Variants in LGR5 observed in about 807,000 individuals in gnomAD.
The protein encoded by LGR5 is leucine rich repeat containing G protein-coupled receptor 5.
In LGR5, 54 loss-of-function variants were observed where a neutral mutation model predicts 76.7. The observed-to-expected ratio is 0.70, with a 90% confidence interval of 0.57 to 0.88. The LOEUF is 0.88. Ranked by LOEUF, LGR5 falls within the 40% of genes least tolerant of loss-of-function variation. LGR5 has a pLI of 0.00. For missense variants in LGR5, 1,078 were observed against 1,073.3 expected (o/e 1.00, Z -0.06); for synonymous variants, 406 against 421.9 (o/e 0.96, Z 0.46).
At chr12:71,498,123 C>G (rs1210704903) in intron 1 of LGR5, among the ~76,000 whole-genome samples, 1 of 152,052 alleles carries the variant, frequency 6.6e-6, no homozygotes, top group Admixed American at 6.6e-5. Flanking sequence ...AGAAGGGCAC[C>G]TTTCAATGAA....
chr12:71,542,235 A>G (rs1876914545), intron 4 of LGR5, among the ~76,000 whole-genome samples: 1 of 152,236 alleles, frequency 6.6e-6, no homozygotes, highest in Non-Finnish European at 1.5e-5. Context: ...TGATTAGACA[A>G]AGACAAGAAA....
At chr12:71,474,146 CAA>C (rs5799042) in intron 1 of LGR5, among the ~76,000 whole-genome samples, 1,580 of 150,942 alleles carry the variant, frequency 0.01, 11 homozygotes, top group Middle Eastern at 0.034. Context: ...AAACTAAATA[CAA>C]AAAAAAAAAT....
At chr12:71,535,312 G>C (rs1442661195) in intron 4 of LGR5, 126 bp downstream of exon 4, 34 of 654,420 alleles carry the variant, frequency 5.2e-5, no homozygotes, top group Non-Finnish European at 8.2e-5. Flanking sequence ...GTGAATGAGA[G>C]CCCATTAGAG....
intron 2 of LGR5, among the ~76,000 whole-genome samples, chr12:71,505,392 C>G (rs1268414434): frequency 6.6e-6 from 1 of 152,230 alleles, no homozygotes; most frequent in African/African-American, 2.4e-5. Flanking sequence ...ATTTGATCCT[C>G]TTACGCTTTT....
rs1300740807 is a variant in LGR5, at chr12:71,566,897, C to T, written c.1055C>T (p.Pro352Leu). ...SLPQTVCNQL[P>L]NLQVLDLSYN... ...CCTCAAACCGTCTGCAATCAGTTACCTAATCTCCAAGTGCTGTGCGTATCA... is the reference window on the plus strand; with the variant it reads ...CCTCAAACCGTCTGCAATCAGTTACTTAATCTCCAAGTGCTGTGCGTATCA... Residue 352 changes from proline to leucine, a missense_variant, in exon 11 of 18, where the codon CCT becomes CTT. Physicochemically the swap from Pro to Leu is moderately conservative, Grantham distance 98. Coordinates refer to ENST00000266674, the MANE Select transcript of LGR5 (RefSeq NM_003667.4). 1.2e-6 allele frequency: 2 copies of T among 1,613,104 alleles called. No homozygotes were observed. Among genetic ancestry groups the T allele is most frequent in the Non-Finnish European group, 8.5e-7 (1 of 1,179,080 alleles).
chr12:71,475,258 A>G (rs1873277413), intron 1 of LGR5, among the ~76,000 whole-genome samples: 1 of 152,218 alleles, frequency 6.6e-6, no homozygotes, highest in African/African-American at 2.4e-5. Context: ...AGAAAGAAGG[A>G]AAATAAACTA....
intron 1 of LGR5, among the ~76,000 whole-genome samples, chr12:71,499,780 G>A (rs1874510000): frequency 6.6e-6 from 1 of 152,068 alleles, no homozygotes; most frequent in Non-Finnish European, 1.5e-5. Context: ...TCAAGAGAGG[G>A]AGCCCTCTTT....
intron 1 of LGR5, among the ~76,000 whole-genome samples, chr12:71,483,227 A>G (rs1226777402): frequency 6.6e-6 from 1 of 152,212 alleles, no homozygotes; most frequent in African/African-American, 2.4e-5. Context: ...GTCTACTCCC[A>G]GAAAAGTGGG....
intron 4 of LGR5, among the ~76,000 whole-genome samples, chr12:71,541,572 G>A (rs1270612189): frequency 6.6e-6 from 1 of 152,210 alleles, no homozygotes; most frequent in Non-Finnish European, 1.5e-5. Flanking sequence ...AAGGAAAGCA[G>A]CAGAGAATGT....
chr12:71,567,142 A>C (rs1437921700), intron 11 of LGR5: 8 of 513,866 alleles, frequency 1.6e-5, no homozygotes, highest in Middle Eastern at 5.2e-4. Context: ...CTCCCACTAG[A>C]CTTTCAGTTG....
intron 1 of LGR5, among the ~76,000 whole-genome samples, chr12:71,498,198 T>C (rs1874422527): frequency 6.6e-6 from 1 of 152,124 alleles, no homozygotes; most frequent in Non-Finnish European, 1.5e-5. Context: ...GAAAATTTAA[T>C]TACAAGCAAA....
intron 3 of LGR5, among the ~76,000 whole-genome samples, chr12:71,525,893 TA>T (rs1159544348): frequency 2.6e-5 from 4 of 151,456 alleles, no homozygotes; most frequent in Non-Finnish European, 5.9e-5. Flanking sequence ...AGTCTTATAC[TA>T]ATTTTTCTAT....
chr12:71,451,502 T>A (rs1872248895), intron 1 of LGR5, among the ~76,000 whole-genome samples: 1 of 152,184 alleles, frequency 6.6e-6, no homozygotes, highest in Admixed American at 6.6e-5. Context: ...ATTGCCTTTC[T>A]TCTTTTGCTA....
intron 13 of LGR5, among the ~76,000 whole-genome samples, chr12:71,575,426 A>C (rs1296333403): frequency 6.6e-6 from 1 of 152,082 alleles, no homozygotes; most frequent in Non-Finnish European, 1.5e-5. Flanking sequence ...GTAAATCATA[A>C]TGTTGGGTGT....
At chr12:71,514,099 C>G (rs886118002) in intron 2 of LGR5, among the ~76,000 whole-genome samples, 4 of 151,792 alleles carry the variant, frequency 2.6e-5, no homozygotes, top group African/African-American at 9.7e-5. Context: ...ACAACAACAA[C>G]AACAAAAACA....
chr12:71,464,223 G>A (rs1872777448), intron 1 of LGR5, among the ~76,000 whole-genome samples: 1 of 152,122 alleles, frequency 6.6e-6, no homozygotes, highest in Non-Finnish European at 1.5e-5. Flanking sequence ...AACTATATCT[G>A]TCTTGTTCAC....
chr12:71,578,576 T>C (rs1259466276), intron 14 of LGR5, among the ~76,000 whole-genome samples: 6 of 152,184 alleles, frequency 3.9e-5, no homozygotes, highest in Non-Finnish European at 8.8e-5. Context: ...AAGCTGAATA[T>C]AGAACAATTT....
intron 8 of LGR5, among the ~76,000 whole-genome samples, chr12:71,564,834 A>G (rs1878256122): frequency 7.8e-6 from 1 of 127,776 alleles, no homozygotes; most frequent in African/African-American, 2.6e-5. Context: ...ACATATATGT[A>G]CACACACACT....
chr12:71,498,711 A>G (rs1297218218), intron 1 of LGR5, among the ~76,000 whole-genome samples: 1 of 152,214 alleles, frequency 6.6e-6, no homozygotes, highest in Non-Finnish European at 1.5e-5. Context: ...ACAAACCTTC[A>G]GTTTATAACA....
Sources: allele counts gnomAD v4.1 joint callset (sites outside exome capture counted in the v4.1 genomes callset), GRCh38; gene constraint gnomAD v4.1.1; transcripts MANE v1.5; gene names NCBI Gene and HGNC (gene_info 2026-07-23, HGNC 2026-07-21).